Variants in SLC45A4 observed in about 807,000 individuals in gnomAD.
The protein encoded by SLC45A4 is polyamine-transporter SLC45A4.
A neutral mutation model predicts 63.7 loss-of-function variants in SLC45A4; 32 were observed. The ratio of observed to expected loss-of-function variants is 0.50; its 90% CI spans 0.38 to 0.67. The LOEUF (loss-of-function observed/expected upper bound fraction) is 0.67, where lower values mean the gene tolerates loss of function less well. Ranked by LOEUF, SLC45A4 falls within the 30% of genes least tolerant of loss-of-function variation. The pLI, the probability that SLC45A4 is intolerant of heterozygous loss-of-function variation, is 0.00. For missense variants in SLC45A4, 1,027 were observed against 1,157.7 expected (o/e 0.89, Z 1.64); for synonymous variants, 535 against 510.0 (o/e 1.05, Z -0.66).
intron 2 of SLC45A4, among the ~76,000 whole-genome samples, chr8:141,246,659 C>G (rs569737784): frequency 2.1e-4 from 32 of 152,302 alleles, no homozygotes; most frequent in Non-Finnish European, 4.7e-4. Flanking sequence ...GTCACGGGGT[C>G]ACACAGAGGG....
rs1827224366 is a variant in SLC45A4, at chr8:141,229,476, A to T, written c.242-7711T>A. Among the ~76,000 whole-genome samples, 1 of 152,108 alleles carries T rather than the reference A, an allele frequency of 6.6e-6. No individual in the cohort carries two copies. Among genetic ancestry groups the T allele is most frequent in the Admixed American group, 6.5e-5 (1 of 15,276 alleles). The stretch of plus-strand genomic sequence containing the variant: ...CAGCCACGGCCACTGGGGAGGGTCC[A>T]GCCAGTGCCTTCCCCGGGTAGGGGC... On this transcript the variant is annotated intron_variant, in intron 2 of 8. Coordinates refer to ENST00000517878, the MANE Select transcript of SLC45A4 (RefSeq NM_001286646.2). The surrounding 1 kb of genome is among the most constrained non-coding windows in gnomAD (Gnocchi z 5.0).
At chr8:141,289,021 A>G (rs1014051476) in intron 1 of SLC45A4, among the ~76,000 whole-genome samples, 1 of 152,266 alleles carries the variant, frequency 6.6e-6, no homozygotes, top group East Asian at 1.9e-4. Context: ...CCAGCTCCCA[A>G]GAGGGAGGCA....
chr8:141,273,144 G>A (rs144900526), intron 1 of SLC45A4, among the ~76,000 whole-genome samples: 213 of 152,328 alleles, frequency 1.4e-3, no homozygotes, highest in African/African-American at 4.8e-3. Context: ...CCGCGCCACT[G>A]AGCTTCTGTT....
intron 2 of SLC45A4, among the ~76,000 whole-genome samples, chr8:141,230,893 G>C (rs979393786): frequency 2.0e-5 from 3 of 152,208 alleles, no homozygotes; most frequent in African/African-American, 7.2e-5. Context: ...GCGGAACCAG[G>C]CCTGCCCCAC....
chr8:141,266,406 C>T (rs1008580254), intron 1 of SLC45A4, among the ~76,000 whole-genome samples: 12 of 152,266 alleles, frequency 7.9e-5, no homozygotes, highest in African/African-American at 2.9e-4. Context: ...CAGACAAACC[C>T]ACCACCACCA....
rs899010109 is a variant in SLC45A4, at chr8:141,229,987, G to A, written c.242-8222C>T. ...ACTCCCGAGGCCGTGGTGCTCTGATGACATCCATGGGCAGTGAGTTCAAAA... is the reference window on the plus strand; with the variant it reads ...ACTCCCGAGGCCGTGGTGCTCTGATAACATCCATGGGCAGTGAGTTCAAAA... On this transcript the variant is annotated intron_variant, in intron 2 of 8. Transcript: ENST00000517878. This position sits in a 1 kb window ranked among gnomAD's most constrained non-coding sequence, Gnocchi z 5.0. 4.4e-6 allele frequency: 2 copies of A among 450,702 alleles called. No homozygotes were observed. Among genetic ancestry groups the A allele is most frequent in the Middle Eastern group, 6.6e-4 (2 of 3,034 alleles). 27.9% of individuals were successfully genotyped at this position (450,702 alleles called of 1,614,324 possible).
At position 141,212,254 on chromosome 8, in the gene SLC45A4, G is replaced by A. The variant is rs760119060; in HGVS notation, c.2244C>T (p.Thr748=). ...GRAGGNSEKP[T]VLKLTRKEGL... ...CCTCCTTCCGCGTGAGCTTCAGCACGGTGGGCTTTTCGCTGTTCCCACCGG... is the reference window on the plus strand; with the variant it reads ...CCTCCTTCCGCGTGAGCTTCAGCACAGTGGGCTTTTCGCTGTTCCCACCGG... The change falls in exon 8 of 9, where the codon ACC becomes ACT. Residue 748 remains threonine (T), a synonymous_variant. Transcript: ENST00000517878. 26 of 1,584,008 alleles carry A rather than the reference G, an allele frequency of 1.6e-5. No homozygotes were observed. The highest frequency in any genetic ancestry group is 5.2e-5 in the Admixed American group (3 of 57,714).
chr8:141,240,778 C>G (rs946663441), intron 2 of SLC45A4, among the ~76,000 whole-genome samples: 3 of 152,206 alleles, frequency 2.0e-5, no homozygotes, highest in African/African-American at 7.2e-5. Flanking sequence ...AAACCGGCTG[C>G]CCGACACTGT....
At chr8:141,255,960 C>A (rs1345215469) in intron 1 of SLC45A4, among the ~76,000 whole-genome samples, 2 of 152,028 alleles carry the variant, frequency 1.3e-5, no homozygotes, top group African/African-American at 4.8e-5. Context: ...GACTATAGTA[C>A]CTAGGGGTTC....
chr8:141,296,585 T>C (rs1343454012), intron 1 of SLC45A4, among the ~76,000 whole-genome samples: 1 of 146,696 alleles, frequency 6.8e-6, no homozygotes, highest in Admixed American at 6.8e-5. Flanking sequence ...CCAGTAATCC[T>C]AGCACTTTGG....
chr8:141,287,876 G>A (rs1381754126), intron 1 of SLC45A4, among the ~76,000 whole-genome samples: 1 of 152,188 alleles, frequency 6.6e-6, no homozygotes, highest in African/African-American at 2.4e-5. Context: ...CCGGGCCAGG[G>A]GCACCTGGAG....
chr8:141,291,462 C>G (rs1289564673), intron 1 of SLC45A4, among the ~76,000 whole-genome samples: 1 of 151,384 alleles, frequency 6.6e-6, no homozygotes, highest in Non-Finnish European at 1.5e-5. Flanking sequence ...TAGGTTCATA[C>G]CAAAACAAAA....
Position 141,211,713 on chromosome 8 carries a change from T to C in SLC45A4, c.2302-16A>G, listed in dbSNP as rs1338607248. 4.6e-6 allele frequency: 7 copies of C among 1,520,206 alleles called. No individual in the cohort carries two copies. In the Middle Eastern group the frequency reaches 8.8e-4, roughly 191 times the overall value. The allele number at this position is 1,520,206 out of a possible 1,614,324, so 94.2% of individuals were successfully genotyped here. ...CTGCAGGCGTCTACAGAGAGGAAAT[T>C]TGATAAAAATATTTTAGTCACTGAC... On this transcript the variant is annotated splice_polypyrimidine_tract_variant and intron_variant, in intron 8 of 8. Coordinates refer to ENST00000517878, the MANE Select transcript of SLC45A4 (RefSeq NM_001286646.2).
Position 141,211,600 on chromosome 8 carries a change from A to T in SLC45A4, c.2399T>A (p.Ile800Asn), listed in dbSNP as rs1248963620. 6.8e-6 allele frequency: 11 copies of T among 1,612,514 alleles called. No individual in the cohort carries two copies. The highest frequency in any genetic ancestry group is 1.1e-5 in the South Asian group (1 of 90,852). Residue 800 changes from isoleucine to asparagine, a missense_variant, in exon 9 of 9, where the codon ATT becomes AAT. By Grantham distance (149) the Ile-to-Asn change is moderately radical. Coordinates refer to ENST00000517878, the MANE Select transcript of SLC45A4 (RefSeq NM_001286646.2). ...AGAGAACCACATTGTGGAAAAGAAA[A>T]TTTTTTTTCTAAAATAATCATAAAG... Reference protein sequence around the residue: ...IFLYDYFRKKIFFSTMWFS With the variant: ...IFLYDYFRKKNFFSTMWFS
intron 2 of SLC45A4, among the ~76,000 whole-genome samples, chr8:141,251,466 C>T (rs1193462313): frequency 1.3e-5 from 2 of 151,936 alleles, no homozygotes; most frequent in African/African-American, 4.8e-5. Context: ...AGAGCTAAGC[C>T]CCCTGGCCCA....
intron 1 of SLC45A4, among the ~76,000 whole-genome samples, chr8:141,281,186 A>G (rs1829924957): frequency 6.6e-6 from 1 of 152,188 alleles, no homozygotes; most frequent in Admixed American, 6.5e-5. Flanking sequence ...TAAAAGTACA[A>G]AAATTAGCTG....
Position 141,256,427 on chromosome 8 carries a change from C to T in SLC45A4, c.-400-1798G>A. 1 of 383,824 alleles carries T rather than the reference C, an allele frequency of 2.6e-6. No individual in the cohort carries two copies. The allele number at this position is 383,824 out of a possible 1,614,324, so 23.8% of individuals were successfully genotyped here. ...AAGGTGGTCTTAATTAGCTCCTCCTCTCTTTCTCCCCAGAGGAGACCAGAA... is the reference window on the plus strand; with the variant it reads ...AAGGTGGTCTTAATTAGCTCCTCCTTTCTTTCTCCCCAGAGGAGACCAGAA... On this transcript the variant is annotated intron_variant, in intron 1 of 8. Coordinates refer to ENST00000517878, the MANE Select transcript of SLC45A4 (RefSeq NM_001286646.2). The surrounding 1 kb of genome is among the most constrained non-coding windows in gnomAD (Gnocchi z 4.3).
Position 141,235,483 on chromosome 8 carries a change from C to G in SLC45A4, c.242-13718G>C, listed in dbSNP as rs567791939. Among the ~76,000 whole-genome samples, 131 of 152,286 alleles carry G rather than the reference C, an allele frequency of 8.6e-4. 1 individual carries two copies. Among genetic ancestry groups the G allele is most frequent in the Non-Finnish European group, 3.5e-4 (24 of 68,036 alleles). On this transcript the variant is annotated intron_variant, in intron 2 of 8. Transcript: ENST00000517878. ...TGGAGAATATGAAGGACCAAAGACC[C>G]TCTGTGAACCCCACAACGATTCTAA... is the stretch of plus-strand genomic sequence containing the variant.
chr8:141,254,934 C>T lies in SLC45A4; in HGVS notation c.-400-305G>A, dbSNP rs181809385. On this transcript the variant is annotated intron_variant, in intron 1 of 8. Transcript: ENST00000517878. This position sits in a 1 kb window ranked among gnomAD's most constrained non-coding sequence, Gnocchi z 4.5. ...TTCACTCTTTGGCCAGTAACAATAT[C>T]GTCCACCCTGTGTACCACAGCACGT... Among the ~76,000 whole-genome samples the T allele has an allele frequency of 8.5e-5, 13 of 152,310 alleles. No individual in the cohort carries two copies. The highest frequency in any genetic ancestry group is 2.6e-4 in the African/African-American group (11 of 41,546).
Sources: allele counts gnomAD v4.1 joint callset (sites outside exome capture counted in the v4.1 genomes callset), GRCh38; gene constraint gnomAD v4.1.1; non-coding constraint Gnocchi (gnomAD v3.1); transcripts MANE v1.5; gene names NCBI Gene and HGNC (gene_info 2026-07-23, HGNC 2026-07-21).